The following JUP variants were observed in gnomAD, a reference collection of about 807,000 sequenced individuals.
JUP encodes the protein junction plakoglobin.
A neutral mutation model predicts 71.1 loss-of-function variants in JUP; 28 were observed. The ratio of observed to expected loss-of-function variants is 0.39; its 90% CI spans 0.29 to 0.54. The LOEUF (loss-of-function observed/expected upper bound fraction) is 0.54, where lower values mean the gene tolerates loss of function less well. Among genes scored for constraint, JUP ranks in the 20% least tolerant of loss-of-function variants. The pLI, the probability that JUP is intolerant of heterozygous loss-of-function variation, is 0.62. For synonymous variants in JUP, 401 were observed against 438.9 expected (o/e 0.91, Z 1.08); for missense variants, 869 against 1,030.1 (o/e 0.84, Z 2.14).
intron 1 of JUP, among the ~76,000 whole-genome samples, chr17:41,781,183 T>A (rs1597864924): frequency 1.8e-5 from 2 of 111,318 alleles, no homozygotes; most frequent in African/African-American, 3.7e-5. Flanking sequence ...AGACTCCGTC[T>A]CAAAAAAAAA....
intron 1 of JUP, among the ~76,000 whole-genome samples, chr17:41,783,470 G>A (rs1004546629): frequency 5.3e-5 from 8 of 151,418 alleles, no homozygotes; most frequent in Non-Finnish European, 7.4e-5. Flanking sequence ...CTATTTTTTT[G>A]TAGAGACAGG....
In JUP at chr17:41,769,461, C is replaced by A; in HGVS notation, c.425G>T (p.Arg142Leu). Residue 142 changes from arginine (R) to leucine (L), a missense_variant, in exon 3 of 14, where the codon CGC becomes CTC. Transcript: ENST00000393931. ...NYQDDAELATRALPELTKLLN... is the reference protein window; with the variant it reads ...NYQDDAELATLALPELTKLLN... ...CAGTTTGGTGAGCTCGGGCAGGGCG[C>A]GAGTGGCCAGCTCGGCATCGTCCTG... 6.2e-7 allele frequency: 1 copy of A among 1,612,824 alleles called. No homozygotes were observed.
chr17:41,756,582 G>C (rs534240625), intron 12 of JUP, among the ~76,000 whole-genome samples: 1 of 148,800 alleles, frequency 6.7e-6, no homozygotes, highest in African/African-American at 2.5e-5. Flanking sequence ...CTGGGCGACA[G>C]GAGTGAGACT....
At chr17:41,778,902 C>T (rs1437061462) in intron 1 of JUP, among the ~76,000 whole-genome samples, 2 of 149,082 alleles carry the variant, frequency 1.3e-5, no homozygotes, top group Non-Finnish European at 3.0e-5. Context: ...CAGAGCGAGA[C>T]TCCGTCTCAA....
rs1913554241 is a variant in JUP at position 41,755,528 on chromosome 17, A to G, written c.*216T>C. On this transcript the variant is annotated 3_prime_UTR_variant, in exon 14 of 14. Transcript: ENST00000393931. ...TCCGTGTCACCTGCCCACCACCCCC[A>G]GAAGGGGCCAGCAGGAATAGGCCTC... 4.3e-6 allele frequency: 2 copies of G among 468,196 alleles called. No individual in the cohort carries two copies. The highest frequency in any genetic ancestry group is 7.4e-6 in the Non-Finnish European group (2 of 270,464). 29.0% of individuals were successfully genotyped at this position (468,196 alleles called of 1,614,324 possible). A position where few individuals can be genotyped will look rare whatever the true frequency, so the allele number is the denominator to read the frequency against.
Position 41,758,359 on chromosome 17 carries a change from T to C in JUP, c.1773+40A>G, listed in dbSNP as rs782100822. 91 of 1,611,302 alleles carry C rather than the reference T, an allele frequency of 5.6e-5. 1 individual carries two copies. In the Middle Eastern group the frequency reaches 2.6e-3, roughly 47 times the overall value. ...ACTCCTAACCTTGCCCTTTAAGCAG[T>C]GGTGGGGGGACCTCTCCTGCCCACC... On this transcript the variant is annotated intron_variant, in intron 10 of 13. Transcript: ENST00000393931.
chr17:41,776,555 A>C (rs1025607850), intron 1 of JUP, among the ~76,000 whole-genome samples: 2 of 152,184 alleles, frequency 1.3e-5, no homozygotes, highest in Admixed American at 6.5e-5. Context: ...GTCTCTACAA[A>C]AAATAAAAAG....
chr17:41,765,147 T>C (rs1162365561), intron 5 of JUP, 80 bp from the exon 6 acceptor site: 2 of 1,354,370 alleles, frequency 1.5e-6, no homozygotes, highest in East Asian at 2.3e-5. Context: ...GAGACAGAAC[T>C]GTCATTACTG....
chr17:41,758,961 C>A (rs1597787021), intron 8 of JUP, 91 bp from the exon 9 acceptor site: 1 of 1,334,144 alleles, frequency 7.5e-7, no homozygotes, highest in East Asian at 2.5e-5. Context: ...CCCTCCTTCA[C>A]CTCTTCTGTC....
Position 41,771,850 on chromosome 17 carries a change from TCCATC to T in JUP, c.-1_4del. 3 of 1,610,896 alleles carry T rather than the reference TCCATC, an allele frequency of 1.9e-6. No homozygotes were observed. The highest frequency in any genetic ancestry group is 2.2e-5 in the East Asian group (1 of 44,806). On this transcript the variant is annotated start_lost and 5_prime_UTR_variant, in exon 2 of 14. Transcript: ENST00000393931. ...AGGCTGCTCCATCAGGTTCATCACC[TCCATC>T]GTGGCTACTGGGGGCACAAAGGAGG...
intron 8 of JUP, among the ~76,000 whole-genome samples, chr17:41,762,172 AGAGAGTGTGTGT>A (rs1567808460): frequency 6.8e-5 from 3 of 44,066 alleles, no homozygotes; most frequent in Non-Finnish European, 1.4e-4. Context: ...AGAGAGAGAG[AGAGAGTGTGTGT>A]GTGTGTGTGT....
chr17:41,784,988 C>A (rs1301340824), intron 1 of JUP: 1 of 151,922 alleles, frequency 6.6e-6, no homozygotes, highest in Admixed American at 6.6e-5. Context: ...GGGGCGGTCT[C>A]AGGAAATTGG....
intron 1 of JUP, among the ~76,000 whole-genome samples, chr17:41,784,250 C>G (rs59527388): frequency 0.031 from 4,595 of 149,474 alleles, 213 homozygotes; most frequent in African/African-American, 0.1. Context: ...CTCAAAGCCT[C>G]GGCCCTGGCA....
chr17:41,758,310 T>TGG (rs1309871866), intron 10 of JUP, 89 bp downstream of exon 10: 50 of 1,568,066 alleles, frequency 3.2e-5, no homozygotes, highest in Non-Finnish European at 4.4e-5. Flanking sequence ...TCTTGATACC[T>TGG]GGTCCAGGCC....
In JUP at chr17:41,758,178, GT is replaced by G. The variant is rs150430167; in HGVS notation, c.1773+220del. 1,754 of 509,480 alleles carry G rather than the reference GT, an allele frequency of 3.4e-3. 20 individuals are homozygous for G. The highest frequency in any genetic ancestry group is 0.022 in the African/African-American group (1,147 of 51,000). The allele number at this position is 509,480 out of a possible 1,614,324, so 31.6% of individuals were successfully genotyped here. ...TGAATCTCAAGTTTTTTTGTTTTTTGTTTTTTTTTTCCATTTGTGATCTCTT... is the reference window on the plus strand; with the variant it reads ...TGAATCTCAAGTTTTTTTGTTTTTTGTTTTTTTTTCCATTTGTGATCTCTT... On this transcript the variant is annotated intron_variant, in intron 10 of 13. Transcript: ENST00000393931.
rs7216034 is a variant in JUP, at chr17:41,757,393, T to C, written c.2046+22A>G. The C allele has an allele frequency of 0.74, 1,193,971 of 1,613,556 alleles. 445,436 individuals are homozygous for C. The highest frequency in any genetic ancestry group is 0.89 in the African/African-American group (66,994 of 75,034). On this transcript the variant is annotated intron_variant, in intron 12 of 13. Transcript: ENST00000393931. ...GCCCAACTTGCACAACCAACTACTG[T>C]GGTCCAACCTAGGATACTCACAGCC...
chr17:41,765,013 A>G lies in JUP; in HGVS notation c.964T>C (p.Tyr322His), dbSNP rs557075259. ...GTCCAGAGCAGCTTTTCATAACTGT[A>G]GTTACGCATGATCTGCACGAGGGCC... ...PQALVQIMRN[Y>H]SYEKLLWTTS... The change falls in exon 6 of 14, where the codon TAC (tyrosine) becomes CAC (histidine). Residue 322 changes from tyrosine (Y) to histidine (H), a missense_variant. By Grantham distance (83) the Tyr-to-His change is moderately conservative. Transcript: ENST00000393931. The G allele has an allele frequency of 3.1e-6, 5 of 1,614,084 alleles. No homozygotes were observed. In the Admixed American group the frequency reaches 6.7e-5, roughly 22 times the overall value.
At chr17:41,779,072 T>TA (rs1249827102) in intron 1 of JUP, among the ~76,000 whole-genome samples, 43 of 150,916 alleles carry the variant, frequency 2.8e-4, no homozygotes, top group African/African-American at 1.0e-3. Flanking sequence ...CCGTCTCTAC[T>TA]AAAAATACAA....
intron 5 of JUP, among the ~76,000 whole-genome samples, 172 bp downstream of exon 5, chr17:41,767,207 T>C (rs1042693453): frequency 2.6e-5 from 4 of 152,104 alleles, no homozygotes; most frequent in Non-Finnish European, 4.4e-5. Flanking sequence ...ATTTTTTTTT[T>C]CCCTTATCCT....
Sources: gnomAD v4.1 joint callset for allele counts (sites outside exome capture counted in the v4.1 genomes callset) on GRCh38, gnomAD v4.1.1 for gene constraint, MANE v1.5 for transcripts, NCBI Gene and HGNC (gene_info 2026-07-23, HGNC 2026-07-21) for gene names.